The following AFG2A variants were observed in gnomAD, a reference collection of about 807,000 sequenced individuals.
AFG2A encodes ATPase family gene 2 protein homolog A.
At chr4:122,979,809 C>T in the AFG2A span, among the ~76,000 whole-genome samples, 19 of 152,226 alleles carry the variant, frequency 1.2e-4, no homozygotes, top group South Asian at 4.0e-3. Context: ...GTGGGAGGAT[C>T]ATCTGAGCCC....
the AFG2A span, among the ~76,000 whole-genome samples, chr4:122,939,380 C>G: frequency 6.6e-6 from 1 of 152,018 alleles, no homozygotes; most frequent in African/African-American, 2.4e-5. Flanking sequence ...CCGCGCCCAG[C>G]CGGGATATGT....
chr4:123,303,275 A>G, the AFG2A span, among the ~76,000 whole-genome samples: 1 of 152,198 alleles, frequency 6.6e-6, no homozygotes. Flanking sequence ...AACAAAAACT[A>G]TTTGGAAGGC....
the AFG2A span, among the ~76,000 whole-genome samples, chr4:123,214,186 A>T: frequency 3.9e-5 from 6 of 152,168 alleles, no homozygotes; most frequent in Non-Finnish European, 5.9e-5. Context: ...ACATAGATAT[A>T]AGTATTCTTG....
the AFG2A span, among the ~76,000 whole-genome samples, chr4:122,974,451 GC>G: frequency 1.3e-5 from 2 of 152,050 alleles, no homozygotes; most frequent in Non-Finnish European, 2.9e-5. Context: ...ATTTTCCCAG[GC>G]CACAAGGTAC....
the AFG2A span, among the ~76,000 whole-genome samples, chr4:123,268,651 A>G: frequency 6.6e-6 from 1 of 152,220 alleles, no homozygotes; most frequent in Non-Finnish European, 1.5e-5. Flanking sequence ...CTAGAGTTCT[A>G]TATCTAGCCA....
the AFG2A span, among the ~76,000 whole-genome samples, chr4:123,142,003 C>T: frequency 6.6e-6 from 1 of 152,124 alleles, no homozygotes; most frequent in Non-Finnish European, 1.5e-5. Flanking sequence ...GTCTTTGACT[C>T]ATCTCATCAT....
the AFG2A span, among the ~76,000 whole-genome samples, chr4:123,120,029 C>T: frequency 2.0e-5 from 3 of 152,136 alleles, no homozygotes; most frequent in Non-Finnish European, 2.9e-5. Flanking sequence ...GATGCAATTA[C>T]TTCCATGATG....
chr4:123,108,364 T>C, the AFG2A span, among the ~76,000 whole-genome samples: 9 of 151,982 alleles, frequency 5.9e-5, no homozygotes, highest in Admixed American at 5.9e-4. Flanking sequence ...TAAATATAAC[T>C]AAAATTATGA....
the AFG2A span, among the ~76,000 whole-genome samples, chr4:123,191,854 T>C: frequency 6.6e-6 from 1 of 152,184 alleles, no homozygotes; most frequent in African/African-American, 2.4e-5. Flanking sequence ...TGTTCACACA[T>C]ATCCTCTCCC....
the AFG2A span, among the ~76,000 whole-genome samples, chr4:123,019,499 C>T: frequency 6.6e-6 from 1 of 152,090 alleles, no homozygotes; most frequent in Admixed American, 6.5e-5. Context: ...TTCTTACATC[C>T]TTCTTTATAA....
the AFG2A span, among the ~76,000 whole-genome samples, chr4:123,016,793 C>T: frequency 0.041 from 6,188 of 152,176 alleles, 403 homozygotes; most frequent in African/African-American, 0.14. Context: ...GAGGTTGTAG[C>T]GAGCTGAGAT....
the AFG2A span, among the ~76,000 whole-genome samples, chr4:122,999,279 A>G: frequency 1.3e-5 from 2 of 151,766 alleles, no homozygotes; most frequent in Non-Finnish European, 2.9e-5. Flanking sequence ...TCTGCTGGTA[A>G]TTTCTTTTGC....
chr4:123,050,199 T>C, the AFG2A span, among the ~76,000 whole-genome samples: 1 of 152,134 alleles, frequency 6.6e-6, no homozygotes, highest in African/African-American at 2.4e-5. Flanking sequence ...TTTGAATTTG[T>C]TGAGATTTAT....
chr4:122,963,018 A>G, the AFG2A span, among the ~76,000 whole-genome samples: 260 of 152,280 alleles, frequency 1.7e-3, 7 homozygotes, highest in East Asian at 0.04. Flanking sequence ...TGGACTTGGG[A>G]GTTGTTAGTA....
the AFG2A span, among the ~76,000 whole-genome samples, chr4:122,962,736 T>A: frequency 6.6e-6 from 1 of 152,244 alleles, no homozygotes; most frequent in Non-Finnish European, 1.5e-5. Context: ...AGAGTTATTC[T>A]TGATTCTTTT....
At chr4:123,215,873 A>G in the AFG2A span, among the ~76,000 whole-genome samples, 1 of 152,164 alleles carries the variant, frequency 6.6e-6, no homozygotes, top group Non-Finnish European at 1.5e-5. Context: ...TATTCTGTCT[A>G]TGAATCTGCC....
At chr4:122,957,218 G>C in the AFG2A span, among the ~76,000 whole-genome samples, 123,346 of 152,206 alleles carry the variant, frequency 0.81, 51,743 homozygotes, top group East Asian at 0.96. Flanking sequence ...ATTTTCAGTG[G>C]TCTTCTCTTT....
At chr4:123,129,021 A>G in the AFG2A span, among the ~76,000 whole-genome samples, 2 of 152,138 alleles carry the variant, frequency 1.3e-5, no homozygotes, top group Non-Finnish European at 2.9e-5. Context: ...CATATGTTGT[A>G]TCCTTTGTTA....
the AFG2A span, among the ~76,000 whole-genome samples, chr4:122,948,691 T>A: frequency 6.6e-6 from 1 of 152,144 alleles, no homozygotes; most frequent in African/African-American, 2.4e-5. Flanking sequence ...CCAGTGGTGA[T>A]GGGCTGGACA....
Sources: gnomAD v4.1 joint callset for allele counts (sites outside exome capture counted in the v4.1 genomes callset) on GRCh38, gnomAD v4.1.1 for gene constraint, MANE v1.5 for transcripts, NCBI Gene and HGNC (gene_info 2026-07-23, HGNC 2026-07-21) for gene names.